The following NLRP7 variants were observed in gnomAD, a reference collection of about 807,000 sequenced individuals.
NLRP7 encodes the protein NACHT, LRR and PYD domains-containing protein 7.
In NLRP7, 72 loss-of-function variants were observed where a neutral mutation model predicts 85.5. The ratio of observed to expected loss-of-function variants is 0.84; its 90% CI spans 0.70 to 1.02. NLRP7 has a LOEUF of 1.02. Ranked by LOEUF, NLRP7 falls within the 50% of genes least tolerant of loss-of-function variation. The probability of loss-of-function intolerance (pLI) is 0.00; values close to 1 mark genes in which losing one functional copy is unlikely to be tolerated. For synonymous variants in NLRP7, 550 were observed against 505.2 expected, an observed-to-expected ratio of 1.09 and a Z score of -1.19; for missense variants, 1,243 against 1,219.5, an observed-to-expected ratio of 1.02 and a Z score of -0.29.
At chr19:54,964,288 C>A (rs1282467941) in intron 1 of NLRP7, among the ~76,000 whole-genome samples, 1 of 140,754 alleles carries the variant, frequency 7.1e-6, no homozygotes. Flanking sequence ...GCGATCTCGG[C>A]TCACTGCAAG....
chr19:54,951,557 A>G (rs1322143166), upstream of NLRP7, among the ~76,000 whole-genome samples: 4 of 152,026 alleles, frequency 2.6e-5, no homozygotes, highest in Admixed American at 6.6e-5. Context: ...ATCTCAAAAA[A>G]CAAAAAACAA....
chr19:54,938,440 A>G (rs1271688728), intron 4 of NLRP7, among the ~76,000 whole-genome samples, 199 bp from the exon 5 acceptor site: 1 of 152,090 alleles, frequency 6.6e-6, no homozygotes, highest in Non-Finnish European at 1.5e-5. Context: ...AATAATAGAT[A>G]AGGCTGAGTG....
At chr19:54,937,320 G>A (rs2068976429) in intron 5 of NLRP7, among the ~76,000 whole-genome samples, 1 of 151,628 alleles carries the variant, frequency 6.6e-6, no homozygotes, top group Admixed American at 6.6e-5. Context: ...AAACTCCTAT[G>A]ACACACGGTT....
chr19:54,949,274 TAAAA>T (rs11414677), upstream of NLRP7, among the ~76,000 whole-genome samples: 2 of 131,996 alleles, frequency 1.5e-5, no homozygotes, highest in Non-Finnish European at 3.3e-5. Flanking sequence ...ACTCCATCTT[TAAAA>T]AAAAAAAAAA....
chr19:54,964,501 C>A (rs2070240614), intron 1 of NLRP7, among the ~76,000 whole-genome samples: 2 of 150,608 alleles, frequency 1.3e-5, no homozygotes, highest in African/African-American at 4.9e-5. Context: ...CAGGCGTGAG[C>A]CACTGTGCCC....
intron 1 of NLRP7, among the ~76,000 whole-genome samples, chr19:54,960,640 G>T (rs1488486828): frequency 6.6e-6 from 1 of 151,672 alleles, no homozygotes; most frequent in Non-Finnish European, 1.5e-5. Context: ...CTGTCACCTA[G>T]GCTGGAGTGC....
intron 1 of NLRP7, among the ~76,000 whole-genome samples, chr19:54,964,011 C>G (rs545355510): frequency 1.8e-3 from 269 of 148,126 alleles, no homozygotes; most frequent in African/African-American, 6.2e-3. Flanking sequence ...TCCCAAGTAG[C>G]TGGGATTACA....
intron 8 of NLRP7, among the ~76,000 whole-genome samples, chr19:54,931,192 C>T (rs1247947618): frequency 1.3e-5 from 2 of 152,012 alleles, no homozygotes; most frequent in Admixed American, 6.6e-5. Context: ...GAGGCCAAGA[C>T]GGGCAGATCA....
Position 54,931,549 on chromosome 19 carries a change from G to A in NLRP7, c.2643-883C>T, listed in dbSNP as rs57244201. ...ACTAAAAATACAAAATTAGCCAGGT[G>A]TGGTGGCACATGCCTGTAATCCCAG... is the stretch of plus-strand genomic sequence containing the variant. On this transcript the variant is annotated intron_variant, in intron 8 of 9. Transcript: ENST00000340844. 1.9e-3 allele frequency among the ~76,000 whole-genome samples: 288 copies of A among 152,234 alleles called. 1 individual carries two copies. The highest frequency in any genetic ancestry group is 6.7e-3 in the African/African-American group (277 of 41,542).
exon 4 of NLRP7, chr19:54,940,395 C>G: frequency 6.2e-7 from 1 of 1,614,070 alleles, no homozygotes; most frequent in Non-Finnish European, 8.5e-7. Context: ...TTGTCAATGT[C>G]TCCTTGCCAA....
At position 54,941,381 on chromosome 19, in the gene NLRP7, CAAAAAAAAAA is replaced by C. The variant is rs55704982; in HGVS notation, c.277+44_277+53del. The C allele has an allele frequency of 3.1e-4, 209 of 685,122 alleles. No homozygotes were observed. In the African/African-American group the frequency reaches 5.2e-3, roughly 17 times the overall value. The allele number at this position is 685,122 out of a possible 1,614,324, so 42.4% of individuals were successfully genotyped here. On this transcript the variant is annotated intron_variant, in intron 2 of 9. Transcript: ENST00000340844. ...TGGGCGACAGAACGAGACTCCATCT[CAAAAAAAAAA>C]AAAAAAAAAAAAAAATGACCAGGAC...
rs1284121990 is a variant in NLRP7 at position 54,954,162 on chromosome 19, CCTATG to C, written c.-76-6662_-76-6658del. 1.8e-4 allele frequency among the ~76,000 whole-genome samples: 27 copies of C among 149,042 alleles called. 1 individual carries two copies. Among genetic ancestry groups the C allele is most frequent in the Admixed American group, 1.8e-3 (27 of 14,932 alleles). On this transcript the variant is annotated intron_variant, in intron 1 of 2. Coordinates refer to the NLRP7 transcript ENST00000587103. ...TGCCATGGCAATGTCAGGAAGTTAC[CCTATG>C]CTGTCTAAAAAGGGGAGGCATGAAT...
chr19:54,930,130 A>G (rs111507005), intron 9 of NLRP7, among the ~76,000 whole-genome samples: 4,150 of 150,682 alleles, frequency 0.028, 219 homozygotes, highest in African/African-American at 0.098. Context: ...AAAAAAAAAA[A>G]AAAAGAAAAC....
At chr19:54,940,099 G>C in exon 4 of NLRP7, 2 of 1,614,208 alleles carry the variant, frequency 1.2e-6, no homozygotes, top group South Asian at 2.2e-5. Flanking sequence ...GGGCTAGGAT[G>C]CTTGGAATGT....
intron 1 of NLRP7, among the ~76,000 whole-genome samples, chr19:54,952,736 T>A (rs996085143): frequency 6.6e-6 from 1 of 152,130 alleles, no homozygotes; most frequent in Non-Finnish European, 1.5e-5. Flanking sequence ...ACAGCGTGCA[T>A]TGGGCAACGG....
At chr19:54,923,999 GCT>G in intron 9 of NLRP7, 127 bp from the exon 11 acceptor site, 1 of 1,009,884 alleles carries the variant, frequency 9.9e-7, no homozygotes, top group Non-Finnish European at 1.5e-6. Flanking sequence ...ACAGGGTCTT[GCT>G]CTGTTGCCCA....
intron 1 of NLRP7, among the ~76,000 whole-genome samples, 179 bp from the exon 2 acceptor site, chr19:54,941,929 T>C (rs976406982): frequency 6.6e-6 from 1 of 150,856 alleles, no homozygotes; most frequent in Non-Finnish European, 1.5e-5. Context: ...CGGCCAGGAG[T>C]TCGAGACCAG....
chr19:54,932,157 G>A (rs1464265011), intron 8 of NLRP7, among the ~76,000 whole-genome samples: 2 of 152,274 alleles, frequency 1.3e-5, no homozygotes, highest in East Asian at 1.9e-4. Context: ...GCCAGGCACA[G>A]TGGCTCATGC....
intron 1 of NLRP7, among the ~76,000 whole-genome samples, chr19:54,961,006 T>C (rs2070023539): frequency 6.6e-6 from 1 of 151,820 alleles, no homozygotes; most frequent in African/African-American, 2.4e-5. Flanking sequence ...TAGAACTGAG[T>C]GGTGGTGAAA....
Sources: gnomAD v4.1 joint callset for allele counts (sites outside exome capture counted in the v4.1 genomes callset) on GRCh38, gnomAD v4.1.1 for gene constraint, MANE v1.5 for transcripts, NCBI Gene and HGNC (gene_info 2026-07-23, HGNC 2026-07-21) for gene names.